Variants in RELL1 observed in about 807,000 individuals in gnomAD.
RELL1 encodes the protein RELT like 1, also known as RELT-like protein 1.
RELL1 carries 10 observed loss-of-function variants against 23.0 expected under a neutral mutation model. The observed-to-expected ratio is 0.43, with a 90% CI of 0.27 to 0.74. The LOEUF is 0.74. RELL1 is among the 30% of genes least tolerant of loss of function. RELL1 has a pLI of 0.19. For synonymous variants in RELL1, 146 were observed against 146.8 expected, an observed-to-expected ratio of 0.99 and a Z score of 0.04; for missense variants, 315 against 364.4, an observed-to-expected ratio of 0.86 and a Z score of 1.10.
At chr4:37,608,643 TTAA>T (rs969747031), downstream of RELL1, among the ~76,000 whole-genome samples, 18 of 145,570 alleles carry the variant, frequency 1.2e-4, no homozygotes, top group Admixed American at 1.1e-3. Context: ...ATTTTTAAAT[TTAA>T]TTTTTTTTTT....
intron 6 of RELL1, among the ~76,000 whole-genome samples, chr4:37,602,465 T>C (rs995336879): frequency 6.6e-6 from 1 of 151,180 alleles, no homozygotes; most frequent in Admixed American, 6.6e-5. Flanking sequence ...GGCTTCCCCA[T>C]GAGGCTATGG....
At chr4:37,610,151 C>T (rs73143373), downstream of RELL1, among the ~76,000 whole-genome samples, 4,003 of 152,234 alleles carry the variant, frequency 0.026, 191 homozygotes, top group African/African-American at 0.09. This position sits in a 1 kb window ranked among gnomAD's most constrained non-coding sequence, Gnocchi z 4.1. Context: ...CAGTAACCAC[C>T]ACCCTGGTCA....
At position 37,686,190 on chromosome 4, in the gene RELL1, G is replaced by A. The variant is rs376921517; in HGVS notation, c.88+10C>T. 14 of 1,574,136 alleles carry A rather than the reference G, an allele frequency of 8.9e-6. No homozygotes were observed. The African/African-American group carries it at 1.9e-4, about 22-fold the overall frequency. On this transcript the variant is annotated intron_variant, in intron 1 of 6. Transcript: ENST00000454158. ...AGCACCCGGCGCCCCGGCTACGACC[G>A]GACACTCACCCGGAGCCACCAGCGG...
chr4:37,656,226 T>C (rs1037134702), intron 1 of RELL1, among the ~76,000 whole-genome samples: 1 of 152,198 alleles, frequency 6.6e-6, no homozygotes, highest in African/African-American at 2.4e-5. Flanking sequence ...CTGAGGACAT[T>C]AGGCTAAATG....
At chr4:37,608,028 C>T (rs980558114), downstream of RELL1, among the ~76,000 whole-genome samples, 1 of 152,138 alleles carries the variant, frequency 6.6e-6, no homozygotes, top group Non-Finnish European at 1.5e-5. Flanking sequence ...TCTGATGTTA[C>T]TATTGTAATT....
intron 1 of RELL1, among the ~76,000 whole-genome samples, chr4:37,685,314 T>C (rs539281849): frequency 2.7e-4 from 41 of 152,038 alleles, no homozygotes; most frequent in Non-Finnish European, 2.8e-4. Flanking sequence ...CCAGCTGTAG[T>C]AACCCCAAAT....
At chr4:37,623,722 G>A (rs1321672129) in intron 6 of RELL1, among the ~76,000 whole-genome samples, 1 of 151,752 alleles carries the variant, frequency 6.6e-6, no homozygotes, top group Non-Finnish European at 1.5e-5. Flanking sequence ...CAGGCATCAC[G>A]GCACTACTTT....
intron 6 of RELL1, among the ~76,000 whole-genome samples, chr4:37,602,614 A>G (rs1719045073): frequency 6.6e-6 from 1 of 152,066 alleles, no homozygotes. Flanking sequence ...CAAGTTACCA[A>G]ACATGCCGCT....
intron 1 of RELL1, among the ~76,000 whole-genome samples, chr4:37,660,867 T>C (rs1560352269): frequency 6.6e-6 from 1 of 151,978 alleles, no homozygotes; most frequent in Admixed American, 6.5e-5. Flanking sequence ...CCGTCTCTAC[T>C]AAAAATATAA....
In RELL1 at chr4:37,686,219, A is replaced by T; in HGVS notation, c.69T>A (p.Ser23Arg). 1 of 1,580,710 alleles carries T rather than the reference A, an allele frequency of 6.3e-7. No homozygotes were observed. The highest frequency in any genetic ancestry group is 8.5e-7 in the Non-Finnish European group (1 of 1,171,616). The change falls in exon 1 of 7, where the codon AGT (serine) becomes AGA (arginine). Residue 23 changes from serine (S) to arginine (R), a missense_variant. Ser to Arg is a moderately radical substitution (Grantham distance 110). Transcript: ENST00000454158. ...ACTCACCCGGAGCCACCAGCGGCGA[A>T]CTCACGGCGCCTCCCACGAAGACAG... Reference protein sequence around the residue: ...AAAVFVGGAVSSPLVAPDNGS... With the variant: ...AAAVFVGGAVRSPLVAPDNGS...
intron 6 of RELL1, among the ~76,000 whole-genome samples, chr4:37,619,042 G>A (rs535573590): frequency 1.3e-5 from 2 of 151,930 alleles, no homozygotes; most frequent in Admixed American, 1.3e-4. Context: ...ACCACCCCCA[G>A]CTATTTTTGT....
At chr4:37,615,857 A>G (rs1173243502) in intron 6 of RELL1, among the ~76,000 whole-genome samples, 1 of 152,222 alleles carries the variant, frequency 6.6e-6, no homozygotes, top group Non-Finnish European at 1.5e-5. Context: ...TGCTTATGAC[A>G]TAATCTTATA....
chr4:37,650,384 T>C (rs555869112), intron 1 of RELL1, among the ~76,000 whole-genome samples: 77 of 152,234 alleles, frequency 5.1e-4, no homozygotes, highest in South Asian at 1.4e-3. Context: ...ATGCCAGTTA[T>C]GTGACAAGCA....
chr4:37,609,322 C>T (rs1719307580), downstream of RELL1, among the ~76,000 whole-genome samples: 2 of 152,186 alleles, frequency 1.3e-5, no homozygotes, highest in African/African-American at 4.8e-5. Flanking sequence ...TTAAAGCCCA[C>T]TGTTGAGACC....
chr4:37,674,518 A>C (rs1560359988), intron 1 of RELL1, among the ~76,000 whole-genome samples: 1 of 152,222 alleles, frequency 6.6e-6, no homozygotes, highest in Non-Finnish European at 1.5e-5. Flanking sequence ...AGAACTGAGG[A>C]AGCAGTAAAA....
At chr4:37,617,055 T>G (rs1719599480) in intron 6 of RELL1, among the ~76,000 whole-genome samples, 1 of 152,250 alleles carries the variant, frequency 6.6e-6, no homozygotes, top group South Asian at 2.1e-4. Flanking sequence ...TAATAAAGGC[T>G]CTTGTTTAAC....
intron 6 of RELL1, among the ~76,000 whole-genome samples, chr4:37,613,988 C>T (rs1719490952): frequency 6.6e-6 from 1 of 152,168 alleles, no homozygotes; most frequent in Admixed American, 6.5e-5. Context: ...TAGAGCTCCC[C>T]GTGTATGCTG....
intron 5 of RELL1, among the ~76,000 whole-genome samples, 162 bp from the exon 6 acceptor site, chr4:37,631,685 C>T (rs552545000): frequency 6.6e-6 from 1 of 152,314 alleles, no homozygotes; most frequent in Non-Finnish European, 1.5e-5. Flanking sequence ...CTATCCAGTA[C>T]ATTCCCCTGG....
At chr4:37,591,250 C>T (rs1328220175) in intron 6 of RELL1, 9 of 384,850 alleles carry the variant, frequency 2.3e-5, no homozygotes, top group Non-Finnish European at 4.2e-5. Context: ...TCATTGTGCC[C>T]ATATCCACAG....
Sources: gnomAD v4.1 joint callset for allele counts (sites outside exome capture counted in the v4.1 genomes callset) on GRCh38, gnomAD v4.1.1 for gene constraint, Gnocchi (gnomAD v3.1) non-coding constraint, MANE v1.5 for transcripts, NCBI Gene and HGNC (gene_info 2026-07-23, HGNC 2026-07-21) for gene names.